Variants in TRPV4 observed in about 807,000 individuals in gnomAD.
TRPV4 encodes OSM9-like transient receptor potential channel 4.
Under a neutral mutation model 84.1 loss-of-function variants are expected in TRPV4, and 58 were observed. The ratio of observed to expected loss-of-function variants is 0.69; its 90% confidence interval spans 0.56 to 0.86. The LOEUF (loss-of-function observed/expected upper bound fraction) is 0.86. Among genes scored for constraint, TRPV4 ranks in the 40% least tolerant of loss-of-function variants. The pLI is 0.00. For synonymous variants in TRPV4, 489 were observed against 500.9 expected (o/e 0.98, Z 0.32); for missense variants, 879 against 1,181.1 (o/e 0.74, Z 3.75).
chr12:109,786,853 G>T lies in TRPV4; in HGVS notation c.2209-16C>A, dbSNP rs1206518830. ...TGGTGGCCCACTGCGGGGAGGGAGG[G>T]TCAGGAGGGACATCGGTGAGCCTCA... On this transcript the variant is annotated splice_polypyrimidine_tract_variant and intron_variant, in intron 13 of 15. Coordinates refer to ENST00000261740, the MANE Select transcript of TRPV4 (RefSeq NM_021625.5). The surrounding 1 kb of genome is among the most constrained non-coding windows in gnomAD (Gnocchi z 4.5). The T allele has an allele frequency of 6.2e-7, 1 of 1,613,410 alleles. No individual in the cohort carries two copies.
chr12:109,832,965 T>C (rs1356813935), intron 1 of TRPV4, among the ~76,000 whole-genome samples: 1 of 152,096 alleles, frequency 6.6e-6, no homozygotes, highest in Non-Finnish European at 1.5e-5. Context: ...TCCGACATGC[T>C]CAGGGGCCAA....
intron 11 of TRPV4, 109 bp from the exon 12 acceptor site, chr12:109,792,538 C>T: frequency 6.3e-7 from 1 of 1,575,218 alleles, no homozygotes; most frequent in South Asian, 1.1e-5. Context: ...GACCATGCCT[C>T]CTGCCCCCAC....
chr12:109,813,784 G>A (rs1354708662), intron 2 of TRPV4, among the ~76,000 whole-genome samples: 1 of 151,704 alleles, frequency 6.6e-6, no homozygotes, highest in Non-Finnish European at 1.5e-5. Flanking sequence ...ATAGATTAAT[G>A]GATAGATGGA....
At position 109,800,674 on chromosome 12, in the gene TRPV4, G is replaced by A. The variant is rs1890720450; in HGVS notation, c.797C>T (p.Ala266Val). The change falls in exon 5 of 16, where the codon GCC (alanine) becomes GTC (valine). Residue 266 changes from alanine (A) to valine (V), a missense_variant. By Grantham distance (64) the Ala-to-Val change is moderately conservative. Around this residue, in one of 4 missense-constraint regions of TRPV4, gnomAD observed 521 missense variants for 686.6 expected, o/e 0.76. Coordinates refer to ENST00000261740, the MANE Select transcript of TRPV4 (RefSeq NM_021625.5). ...CTGGAAGAAGCGCCCACGGGCCTGGGCGTGGACATCAGCTCCCTGGGCCAC... is the reference window on the plus strand; with the variant it reads ...CTGGAAGAAGCGCCCACGGGCCTGGACGTGGACATCAGCTCCCTGGGCCAC... The part of the protein sequence containing the change: ...LLVAQGADVH[A>V]QARGRFFQPK... 1 of 1,614,190 alleles carries A rather than the reference G, an allele frequency of 6.2e-7. No homozygotes were observed. The highest frequency in any genetic ancestry group is 8.5e-7 in the Non-Finnish European group (1 of 1,180,036).
intron 1 of TRPV4, among the ~76,000 whole-genome samples, chr12:109,825,536 G>A (rs1341474885): frequency 6.6e-6 from 1 of 152,246 alleles, no homozygotes; most frequent in African/African-American, 2.4e-5. Flanking sequence ...TCAGAACTGG[G>A]CAGGCACTGG....
At chr12:109,788,792 C>T in intron 12 of TRPV4, 76 bp from the exon 13 acceptor site, 1 of 1,559,264 alleles carries the variant, frequency 6.4e-7, no homozygotes, top group South Asian at 1.1e-5. Flanking sequence ...TTCTCATTTG[C>T]TGGAGGAGAA....
At chr12:109,788,335 G>C in intron 13 of TRPV4, 65 bp downstream of exon 13, 2 of 1,505,262 alleles carry the variant, frequency 1.3e-6, no homozygotes, top group South Asian at 2.4e-5. Context: ...GAAGCCAGTC[G>C]GGTGGGTCTC....
At chr12:109,823,153 G>T (rs957547356) in intron 1 of TRPV4, among the ~76,000 whole-genome samples, 1 of 152,188 alleles carries the variant, frequency 6.6e-6, no homozygotes, top group African/African-American at 2.4e-5. Context: ...GGCAGCAGTA[G>T]GGGGGCATCA....
rs1454640395 is a variant in TRPV4 at position 109,815,225 on chromosome 12, C to T, written c.-31-398G>A. ...AGTCATTCCATGACATTGAGCAAGT[C>T]GACATTTCATAGCCTCAGCTTCCTG... is the stretch of plus-strand genomic sequence containing the variant. On this transcript the variant is annotated intron_variant, in intron 1 of 15. Transcript: ENST00000261740. This position sits in a 1 kb window ranked among gnomAD's most constrained non-coding sequence, Gnocchi z 4.1. Among the ~76,000 whole-genome samples the T allele has an allele frequency of 6.6e-6, 1 of 152,186 alleles. No individual in the cohort carries two copies. Among genetic ancestry groups the T allele is most frequent in the East Asian group, 1.9e-4 (1 of 5,200 alleles).
chr12:109,797,054 G>A (rs1384115738), intron 6 of TRPV4, among the ~76,000 whole-genome samples: 1 of 152,116 alleles, frequency 6.6e-6, no homozygotes, highest in Non-Finnish European at 1.5e-5. Context: ...GATCACATGC[G>A]GTCCTTCCTG....
intron 1 of TRPV4, among the ~76,000 whole-genome samples, chr12:109,822,561 C>T (rs1274801746): frequency 6.6e-6 from 1 of 152,194 alleles, no homozygotes; most frequent in East Asian, 1.9e-4. Context: ...TGCCTTGCTC[C>T]AGAAAGGGGG....
At position 109,808,313 on chromosome 12, in the gene TRPV4, G is replaced by C; in HGVS notation, c.542C>G (p.Thr181Ser). 2 of 1,614,196 alleles carry C rather than the reference G, an allele frequency of 1.2e-6. No individual in the cohort carries two copies. Among genetic ancestry groups the C allele is most frequent in the Non-Finnish European group, 1.7e-6 (2 of 1,180,026 alleles). ...TGGCTCACCTCGAAACTCCTCATCA[G>C]TTAGGCGTTTCTTGTGGGTCAGCAA... ...PFLLTHKKRL[T>S]DEEFREPSTG... Residue 181 changes from threonine (T) to serine (S), a missense_variant, in exon 3 of 16, where the codon ACT becomes AGT. Physicochemically the swap from Thr to Ser is moderately conservative, Grantham distance 58. Coordinates refer to ENST00000261740, the MANE Select transcript of TRPV4 (RefSeq NM_021625.5).
Position 109,796,776 on chromosome 12 carries a change from A to C in TRPV4, c.1153-72T>G. 1 of 1,490,496 alleles carries C rather than the reference A, an allele frequency of 6.7e-7. No individual in the cohort carries two copies. The highest frequency in any genetic ancestry group is 1.3e-5 in the South Asian group (1 of 76,548). The allele number at this position is 1,490,496 out of a possible 1,614,324, so 92.3% of individuals were successfully genotyped here. A position where few individuals can be genotyped will look rare whatever the true frequency, so the allele number is the denominator to read the frequency against. On this transcript the variant is annotated intron_variant, in intron 6 of 15. Transcript: ENST00000261740. This position sits in a 1 kb window ranked among gnomAD's most constrained non-coding sequence, Gnocchi z 4.2. ...CCCAGGGCTGGGCCCAGCTCAGCACATGACGCCTCCCCAGAAAACAGCTAA... is the reference window on the plus strand; with the variant it reads ...CCCAGGGCTGGGCCCAGCTCAGCACCTGACGCCTCCCCAGAAAACAGCTAA...
chr12:109,786,591 T>C lies in TRPV4; in HGVS notation c.2336+119A>G. On this transcript the variant is annotated intron_variant, in intron 14 of 15. Coordinates refer to ENST00000261740, the MANE Select transcript of TRPV4 (RefSeq NM_021625.5). This position sits in a 1 kb window ranked among gnomAD's most constrained non-coding sequence, Gnocchi z 4.5. ...GGTGGAAATGAACTCTGCTCGGGCC[T>C]CTTGGGGCCTCAGTGGCTCCAGAAA... 1 of 1,369,606 alleles carries C rather than the reference T, an allele frequency of 7.3e-7. No individual in the cohort carries two copies. The highest frequency in any genetic ancestry group is 2.0e-5 in the Admixed American group (1 of 50,978). 84.8% of individuals were successfully genotyped at this position (1,369,606 alleles called of 1,614,324 possible). A position where few individuals can be genotyped will look rare whatever the true frequency, so the allele number is the denominator to read the frequency against.
rs1565858986 is a variant in TRPV4 at position 109,786,314 on chromosome 12, C to A, written c.2336+396G>T. ...TCCCATTTCACCGAGGGCACTAGAGCTCACCCCACTGTTTGGTAGATACAG... is the reference window on the plus strand; with the variant it reads ...TCCCATTTCACCGAGGGCACTAGAGATCACCCCACTGTTTGGTAGATACAG... On this transcript the variant is annotated intron_variant, in intron 14 of 15. Coordinates refer to ENST00000261740, the MANE Select transcript of TRPV4 (RefSeq NM_021625.5). This position sits in a 1 kb window ranked among gnomAD's most constrained non-coding sequence, Gnocchi z 4.5. Among the ~76,000 whole-genome samples the A allele has an allele frequency of 6.6e-6, 1 of 152,184 alleles. No individual in the cohort carries two copies. The highest frequency in any genetic ancestry group is 1.5e-5 in the Non-Finnish European group (1 of 68,042).
Position 109,783,476 on chromosome 12 carries a change from G to T in TRPV4, c.*145C>A. The T allele has an allele frequency of 1.8e-6, 2 of 1,131,542 alleles. No individual in the cohort carries two copies. The highest frequency in any genetic ancestry group is 2.4e-6 in the Non-Finnish European group (2 of 821,818). 70.1% of individuals were successfully genotyped at this position (1,131,542 alleles called of 1,614,324 possible). Reference sequence around the variant, plus strand: ...GGGGAGGCAGAGCCAGGGGACCACAGGGTCCTGGGGCCTCCCTGGCACCTC... The same window carrying T: ...GGGGAGGCAGAGCCAGGGGACCACATGGTCCTGGGGCCTCCCTGGCACCTC... On this transcript the variant is annotated 3_prime_UTR_variant, in exon 16 of 16. Coordinates refer to ENST00000261740, the MANE Select transcript of TRPV4 (RefSeq NM_021625.5). The surrounding 1 kb of genome is among the most constrained non-coding windows in gnomAD (Gnocchi z 4.6).
rs140599544 is a variant in TRPV4 at position 109,788,181 on chromosome 12, C to T, written c.2208+219G>A. ...CTGGACCACAAGGAGAATCTGAGCC[C>T]ACTGCTGGCAGCCAGGCAAGAAGCC... On this transcript the variant is annotated intron_variant, in intron 13 of 15. Coordinates refer to ENST00000261740, the MANE Select transcript of TRPV4 (RefSeq NM_021625.5). 2.4e-3 allele frequency among the ~76,000 whole-genome samples: 370 copies of T among 152,346 alleles called. 1 individual carries two copies. Among genetic ancestry groups the T allele is most frequent in the African/African-American group, 8.4e-3 (348 of 41,566 alleles).
At chr12:109,828,087 A>G (rs915236814) in intron 1 of TRPV4, among the ~76,000 whole-genome samples, 2 of 152,202 alleles carry the variant, frequency 1.3e-5, no homozygotes. Flanking sequence ...GTGGGTGGAC[A>G]AGAGGGGCTG....
chr12:109,823,923 GTTTC>G (rs1892178531), intron 1 of TRPV4, among the ~76,000 whole-genome samples: 1 of 149,694 alleles, frequency 6.7e-6, no homozygotes, highest in Admixed American at 6.7e-5. Flanking sequence ...CACATAAAGG[GTTTC>G]TTTTTTTTCT....
Sources: gnomAD v4.1 joint callset for allele counts (sites outside exome capture counted in the v4.1 genomes callset) on GRCh38, gnomAD v4.1.1 for gene constraint, gnomAD v4.1.1 regional missense constraint, Gnocchi (gnomAD v3.1) non-coding constraint, MANE v1.5 for transcripts, NCBI Gene and HGNC (gene_info 2026-07-23, HGNC 2026-07-21) for gene names.